Variants in MRRF observed in about 807,000 individuals in gnomAD.
MRRF encodes the protein ribosome-recycling factor, mitochondrial.
In MRRF, 18 loss-of-function variants were observed where a neutral mutation model predicts 25.1. The observed-to-expected ratio is 0.72, with a 90% CI of 0.50 to 1.06. The LOEUF (loss-of-function observed/expected upper bound fraction) is 1.06, where lower values mean the gene tolerates loss of function less well. MRRF is among the 50% of genes least tolerant of loss of function. MRRF has a pLI of 0.00. For missense variants in MRRF, 323 were observed against 319.3 expected (o/e 1.01, Z -0.09); for synonymous variants, 113 against 112.1 (o/e 1.01, Z -0.05).
At chr9:122,306,755 A>G (rs909715007) in intron 5 of MRRF, among the ~76,000 whole-genome samples, 3 of 152,196 alleles carry the variant, frequency 2.0e-5, no homozygotes, top group African/African-American at 7.2e-5. Flanking sequence ...CTGTGGCGAC[A>G]GGGAAAGAGA....
At chr9:122,278,626 G>A (rs1832915423) in intron 2 of MRRF, among the ~76,000 whole-genome samples, 1 of 151,968 alleles carries the variant, frequency 6.6e-6, no homozygotes, top group Non-Finnish European at 1.5e-5. Context: ...ATATTGACAG[G>A]CATATCTTTA....
intron 4 of MRRF, among the ~76,000 whole-genome samples, chr9:122,290,706 G>A (rs1283653397): frequency 6.6e-6 from 1 of 152,204 alleles, no homozygotes; most frequent in African/African-American, 2.4e-5. Flanking sequence ...CTTTGAAAAT[G>A]TCAGAGGCTT....
chr9:122,273,469 C>A (rs1173549339), intron 2 of MRRF, among the ~76,000 whole-genome samples: 2 of 148,366 alleles, frequency 1.3e-5, no homozygotes. Flanking sequence ...AGATCTTGTA[C>A]AGTTATTTAA....
chr9:122,284,998 G>A (rs186611129), intron 3 of MRRF, among the ~76,000 whole-genome samples, 171 bp from the exon 4 acceptor site: 10 of 152,242 alleles, frequency 6.6e-5, no homozygotes, highest in Non-Finnish European at 1.2e-4. Flanking sequence ...GCTGTTTTGC[G>A]CAGGTTGGTC....
Position 122,327,445 on chromosome 9 carries a change from A to G in MRRF, c.*4828A>G, listed in dbSNP as rs987510691. 2.0e-5 allele frequency: 3 copies of G among 152,204 alleles called. No homozygotes were observed. The highest frequency in any genetic ancestry group is 7.2e-5 in the African/African-American group (3 of 41,446). The allele number at this position is 152,204 out of a possible 1,614,324, so 9.4% of individuals were successfully genotyped here. On this transcript the variant is annotated 3_prime_UTR_variant, in exon 7 of 7. Transcript: ENST00000344641. ...CACTTTGAGGCTTTCTTTTGCCCTA[A>G]TAGACGGTCATTTTTCATGATGTGC...
At position 122,264,936 on chromosome 9, in the gene MRRF, C is replaced by G. The variant is rs1203730340; in HGVS notation, c.-31C>G. 1 of 153,190 alleles carries G rather than the reference C, an allele frequency of 6.5e-6. No homozygotes were observed. Among genetic ancestry groups the G allele is most frequent in the Admixed American group, 6.5e-5 (1 of 15,294 alleles). 9.5% of individuals were successfully genotyped at this position (153,190 alleles called of 1,614,324 possible). ...CTTTCCTTAGTAACCTGGGCGATAG[C>G]TGGTGAGTGTCCTTGACAGGGCCTC... On this transcript the variant is annotated splice_region_variant and 5_prime_UTR_variant, in exon 1 of 7. Transcript: ENST00000344641.
Position 122,330,404 on chromosome 9 carries a change from C to T in MRRF, c.*7787C>T, listed in dbSNP as rs1836254575. The stretch of plus-strand genomic sequence containing the variant: ...GCCCCTGACCGAGGCTCACAGCTTG[C>T]CTAGGGGAGGGCAGGGCAAAAGTCC... On this transcript the variant is annotated 3_prime_UTR_variant, in exon 7 of 7. Transcript: ENST00000344641. The surrounding 1 kb of genome is among the most constrained non-coding windows in gnomAD (Gnocchi z 4.2). The T allele has an allele frequency of 6.6e-6, 1 of 152,292 alleles. No homozygotes were observed. Among genetic ancestry groups the T allele is most frequent in the African/African-American group, 2.4e-5 (1 of 41,464 alleles). 9.4% of individuals were successfully genotyped at this position (152,292 alleles called of 1,614,324 possible).
At chr9:122,291,994 C>G (rs1462636930) in intron 5 of MRRF, among the ~76,000 whole-genome samples, 154 bp downstream of exon 5, 1 of 152,196 alleles carries the variant, frequency 6.6e-6, no homozygotes, top group East Asian at 1.9e-4. Context: ...TTTACTGATT[C>G]AGAAATACTT....
chr9:122,308,079 A>G (rs1168541698), intron 5 of MRRF, among the ~76,000 whole-genome samples: 1 of 152,166 alleles, frequency 6.6e-6, no homozygotes, highest in Admixed American at 6.5e-5. Context: ...CCCATCCAGG[A>G]TGTTACTGGA....
chr9:122,299,810 T>G (rs1225933754), intron 5 of MRRF, among the ~76,000 whole-genome samples: 1 of 151,836 alleles, frequency 6.6e-6, no homozygotes, highest in Non-Finnish European at 1.5e-5. Flanking sequence ...GAAGGTAAGA[T>G]CTGAGATTAT....
intron 3 of MRRF, among the ~76,000 whole-genome samples, chr9:122,281,842 G>A (rs1362551391): frequency 6.6e-6 from 1 of 152,166 alleles, no homozygotes; most frequent in African/African-American, 2.4e-5. Context: ...CTGAGAAAAT[G>A]AGGGGCAGGA....
chr9:122,279,487 TAATG>T (rs1355356583), intron 2 of MRRF, among the ~76,000 whole-genome samples: 4 of 152,250 alleles, frequency 2.6e-5, no homozygotes, highest in Admixed American at 1.3e-4. Flanking sequence ...AAAATTTATT[TAATG>T]AATCTCAATA....
In MRRF at chr9:122,303,227, C is replaced by A. The variant is rs181326189; in HGVS notation, c.552-10000C>A. On this transcript the variant is annotated intron_variant, in intron 5 of 6. Coordinates refer to ENST00000344641, the MANE Select transcript of MRRF (RefSeq NM_138777.5). The stretch of plus-strand genomic sequence containing the variant: ...CCCAGTTGTTCTTCCCAGAAGTAAC[C>A]ATTGTCAGTATATCCTTCCAGATTT... 2.2e-4 allele frequency among the ~76,000 whole-genome samples: 34 copies of A among 151,602 alleles called. No homozygotes were observed. In the East Asian group the frequency reaches 5.8e-3, roughly 26 times the overall value.
chr9:122,314,196 G>C (rs1835373916), intron 6 of MRRF, among the ~76,000 whole-genome samples: 1 of 152,104 alleles, frequency 6.6e-6, no homozygotes, highest in Non-Finnish European at 1.5e-5. Flanking sequence ...TGGGCCAGCT[G>C]GGGTGTAGCT....
chr9:122,284,088 A>C (rs1833239904), intron 3 of MRRF, among the ~76,000 whole-genome samples: 2 of 152,144 alleles, frequency 1.3e-5, no homozygotes, highest in African/African-American at 4.8e-5. Flanking sequence ...TGGCTGTGTC[A>C]GAATAATGTG....
chr9:122,323,912 T>C lies in MRRF; in HGVS notation c.*1295T>C, dbSNP rs1836029002. On this transcript the variant is annotated 3_prime_UTR_variant, in exon 7 of 7. Transcript: ENST00000344641. ...TGTGCAGGGTTACACACCTAGCAAG[T>C]AGCAGAGCTGGCATTCAAATTGAGG... 1 of 152,190 alleles carries C rather than the reference T, an allele frequency of 6.6e-6. No individual in the cohort carries two copies. The highest frequency in any genetic ancestry group is 2.1e-4 in the South Asian group (1 of 4,830). 9.4% of individuals were successfully genotyped at this position (152,190 alleles called of 1,614,324 possible).
intron 5 of MRRF, among the ~76,000 whole-genome samples, chr9:122,308,875 T>C (rs889187963): frequency 6.6e-6 from 1 of 152,108 alleles, no homozygotes; most frequent in Non-Finnish European, 1.5e-5. Flanking sequence ...GCTAATTTTA[T>C]TGTGTGTTGT....
At chr9:122,286,785 T>C (rs1698360921) in intron 4 of MRRF, among the ~76,000 whole-genome samples, 1 of 152,232 alleles carries the variant, frequency 6.6e-6, no homozygotes, top group Non-Finnish European at 1.5e-5. Context: ...TTTGCCTTTA[T>C]TGGTGGCTTC....
At chr9:122,290,519 C>T (rs1471043995) in intron 4 of MRRF, among the ~76,000 whole-genome samples, 2 of 152,064 alleles carry the variant, frequency 1.3e-5, no homozygotes, top group South Asian at 4.1e-4. Context: ...GTAGCCGTAG[C>T]AGTAAGGTTA....
Sources: gnomAD v4.1 joint callset for allele counts (sites outside exome capture counted in the v4.1 genomes callset) on GRCh38, gnomAD v4.1.1 for gene constraint, Gnocchi (gnomAD v3.1) non-coding constraint, MANE v1.5 for transcripts, NCBI Gene and HGNC (gene_info 2026-07-23, HGNC 2026-07-21) for gene names.